The following SPAG17 variants were observed in gnomAD, a reference collection of about 807,000 sequenced individuals.
SPAG17 encodes the protein sperm-associated antigen 17.
SPAG17 carries 169 observed loss-of-function variants against 273.6 expected under a neutral mutation model. The ratio of observed to expected loss-of-function variants is 0.62; its 90% confidence interval spans 0.55 to 0.70. SPAG17 has a LOEUF of 0.70. SPAG17 is among the 30% of genes least tolerant of loss of function. The probability of loss-of-function intolerance (pLI) is 0.00; values close to 1 mark genes in which losing one functional copy is unlikely to be tolerated. For synonymous variants in SPAG17, 825 were observed against 873.2 expected (o/e 0.94, Z 0.97); for missense variants, 2,557 against 2,627.8 (o/e 0.97, Z 0.59).
chr1:117,970,637 C>T (rs1654448044), intron 45 of SPAG17, among the ~76,000 whole-genome samples: 1 of 152,150 alleles, frequency 6.6e-6, no homozygotes, highest in Non-Finnish European at 1.5e-5. Context: ...ATTGATCTCT[C>T]TCCCTTCCTG....
At chr1:118,107,160 TAG>T (rs1392459052) in intron 4 of SPAG17, among the ~76,000 whole-genome samples, 2 of 152,186 alleles carry the variant, frequency 1.3e-5, no homozygotes, top group Non-Finnish European at 2.9e-5. Context: ...ACAACTGTGG[TAG>T]AGAGTGCTGG....
At chr1:117,976,945 T>C (rs567861498) in intron 43 of SPAG17, among the ~76,000 whole-genome samples, 2 of 152,274 alleles carry the variant, frequency 1.3e-5, no homozygotes, top group African/African-American at 4.8e-5. Flanking sequence ...ATAAAAACTC[T>C]CTTATTTACT....
intron 3 of SPAG17, among the ~76,000 whole-genome samples, chr1:118,140,972 C>T (rs1658648722): frequency 6.6e-6 from 1 of 152,160 alleles, no homozygotes; most frequent in African/African-American, 2.4e-5. Flanking sequence ...AGGGTTTTTG[C>T]ACCCTCTGCC....
intron 1 of SPAG17, among the ~76,000 whole-genome samples, chr1:118,176,122 A>G (rs1296452089): frequency 6.6e-6 from 1 of 152,164 alleles, no homozygotes; most frequent in Non-Finnish European, 1.5e-5. Context: ...AAATAAAAAG[A>G]AACAAATTAA....
intron 18 of SPAG17, among the ~76,000 whole-genome samples, chr1:118,062,714 A>T (rs1442863463): frequency 6.6e-6 from 1 of 152,178 alleles, no homozygotes; most frequent in African/African-American, 2.4e-5. Flanking sequence ...AATTAATGGA[A>T]TTTTTGACCA....
At chr1:118,089,496 TATG>T (rs1438770489) in intron 10 of SPAG17, among the ~76,000 whole-genome samples, 1 of 152,106 alleles carries the variant, frequency 6.6e-6, no homozygotes, top group South Asian at 2.1e-4. Flanking sequence ...TAAGGACAAG[TATG>T]ATAAAATCAT....
intron 1 of SPAG17, among the ~76,000 whole-genome samples, chr1:118,177,653 A>G (rs1273259389): frequency 6.6e-6 from 1 of 152,216 alleles, no homozygotes; most frequent in Non-Finnish European, 1.5e-5. Flanking sequence ...TTTTGAAAAG[A>G]TAAACAAATT....
intron 48 of SPAG17, 56 bp from the exon 49 acceptor site, chr1:117,954,105 AAG>A: frequency 5.0e-6 from 8 of 1,608,632 alleles, no homozygotes; most frequent in Non-Finnish European, 5.9e-6. Flanking sequence ...AAGAGGTAAT[AAG>A]AGAGTACAGT....
intron 30 of SPAG17, among the ~76,000 whole-genome samples, chr1:118,008,569 A>C (rs1925830): frequency 0.065 from 9,967 of 152,290 alleles, 527 homozygotes; most frequent in East Asian, 0.31. Flanking sequence ...TGTAAAATAA[A>C]AATTACAGAT....
chr1:118,174,309 G>A (rs980923752), intron 1 of SPAG17, among the ~76,000 whole-genome samples: 3 of 152,070 alleles, frequency 2.0e-5, no homozygotes, highest in African/African-American at 7.2e-5. Context: ...AAATTCATGA[G>A]CTGAAAAATA....
At chr1:118,016,932 TG>T (rs1377495822) in intron 28 of SPAG17, among the ~76,000 whole-genome samples, 1 of 152,180 alleles carries the variant, frequency 6.6e-6, no homozygotes, top group Non-Finnish European at 1.5e-5. Flanking sequence ...GACTTGACAG[TG>T]TTATCACATC....
chr1:117,965,931 T>A (rs1051122998), intron 47 of SPAG17: 1 of 152,202 alleles, frequency 6.6e-6, no homozygotes, highest in African/African-American at 2.4e-5. Context: ...GTTGCCATGG[T>A]TTTGTTCATT....
intron 1 of SPAG17, among the ~76,000 whole-genome samples, chr1:118,179,029 C>A (rs181642050): frequency 2.0e-5 from 3 of 152,018 alleles, no homozygotes. Context: ...TCCATACTAT[C>A]CAAAATAATT....
intron 25 of SPAG17, among the ~76,000 whole-genome samples, chr1:118,031,021 T>C (rs1571289150): frequency 1.3e-5 from 2 of 152,190 alleles, no homozygotes; most frequent in East Asian, 3.9e-4. Flanking sequence ...TGCAACACTG[T>C]TTTCCACAAT....
chr1:118,065,608 T>C (rs897429645), intron 18 of SPAG17, among the ~76,000 whole-genome samples: 2 of 152,112 alleles, frequency 1.3e-5, no homozygotes, highest in Non-Finnish European at 2.9e-5. Context: ...GATAACATAA[T>C]GGACAAATCT....
chr1:117,980,439 C>T (rs1312631605), intron 43 of SPAG17, among the ~76,000 whole-genome samples: 2 of 152,128 alleles, frequency 1.3e-5, no homozygotes, highest in African/African-American at 2.4e-5. Flanking sequence ...ACCATATTGG[C>T]CAGTCTGGTC....
rs1658776526 is a variant in SPAG17, at chr1:118,005,416, G to C, written c.4774C>G (p.Gln1592Glu). 5.6e-6 allele frequency: 9 copies of C among 1,602,206 alleles called. No homozygotes were observed. Among genetic ancestry groups the C allele is most frequent in the Non-Finnish European group, 7.7e-6 (9 of 1,174,990 alleles). The change falls in exon 32 of 49, where the codon CAG becomes GAG. Residue 1592 changes from glutamine to glutamate, a missense_variant and splice_region_variant. Coordinates refer to ENST00000336338, the MANE Select transcript of SPAG17 (RefSeq NM_206996.4). ...TCCATACCAAAGGTGCACTTTACCT[G>C]AAAAGTGTTTCCCTCAGGATCCAGA... is the stretch of plus-strand genomic sequence containing the variant. The part of the protein sequence containing the change: ...EVLDPEGNTF[Q>E]VMADGSISTI...
At chr1:118,075,409 C>A (rs554516863) in intron 15 of SPAG17, among the ~76,000 whole-genome samples, 27 of 152,306 alleles carry the variant, frequency 1.8e-4, no homozygotes, top group African/African-American at 5.8e-4. Context: ...TTGTTGATTT[C>A]TGCATCACCA....
At chr1:118,049,802 C>A (rs1650791292) in intron 20 of SPAG17, among the ~76,000 whole-genome samples, 1 of 151,242 alleles carries the variant, frequency 6.6e-6, no homozygotes, top group Non-Finnish European at 1.5e-5. Flanking sequence ...TGTGGGCTGC[C>A]CCCCATCACA....
Sources: gnomAD v4.1 joint callset for allele counts (sites outside exome capture counted in the v4.1 genomes callset) on GRCh38, gnomAD v4.1.1 for gene constraint, MANE v1.5 for transcripts, NCBI Gene and HGNC (gene_info 2026-07-23, HGNC 2026-07-21) for gene names.